Variants in SPA17 observed in about 807,000 individuals in gnomAD.
The protein encoded by SPA17 is sperm surface protein Sp17.
SPA17 carries 7 observed loss-of-function variants against 13.8 expected under a neutral mutation model. The ratio of observed to expected loss-of-function variants is 0.51; its 90% CI spans 0.29 to 0.95. The LOEUF (loss-of-function observed/expected upper bound fraction) is 0.95. SPA17 is among the 40% of genes least tolerant of loss of function. The probability of loss-of-function intolerance (pLI) is 0.08; values close to 1 mark genes in which losing one functional copy is unlikely to be tolerated. For missense variants in SPA17, 170 were observed against 179.3 expected (o/e 0.95, Z 0.30); for synonymous variants, 61 against 59.0 (o/e 1.03, Z -0.16).
intron 4 of SPA17, among the ~76,000 whole-genome samples, chr11:124,693,196 G>T (rs1943639746): frequency 6.6e-6 from 1 of 152,074 alleles, no homozygotes; most frequent in Non-Finnish European, 1.5e-5. Context: ...TCATCTCGAA[G>T]AATTTTATAC....
chr11:124,691,618 A>G (rs1045899042), intron 3 of SPA17, 78 bp from the exon 4 acceptor site: 2 of 752,878 alleles, frequency 2.7e-6, no homozygotes, highest in African/African-American at 3.6e-5. Context: ...GTAATGTTTC[A>G]TTACTTCTAA....
chr11:124,675,688 G>A, intron 2 of SPA17: 1 of 280,458 alleles, frequency 3.6e-6, no homozygotes. Flanking sequence ...CTGCAAAAGA[G>A]CATACATTTC....
At position 124,697,036 on chromosome 11, in the gene SPA17, A is replaced by G. The variant is rs1297444216; in HGVS notation, c.*2590A>G. On this transcript the variant is annotated 3_prime_UTR_variant, in exon 5 of 5. Coordinates refer to ENST00000227135, the MANE Select transcript of SPA17 (RefSeq NM_017425.4). ...TCACTTTCTTTCACACCCCATATAC[A>G]ATCTATCAGCAAAACCTGTGGGCTG... 6.6e-6 allele frequency: 1 copy of G among 152,138 alleles called. No individual in the cohort carries two copies. Among genetic ancestry groups the G allele is most frequent in the Non-Finnish European group, 1.5e-5 (1 of 68,038 alleles). 9.4% of individuals were successfully genotyped at this position (152,138 alleles called of 1,614,324 possible).
chr11:124,683,992 G>A (rs1247456332), intron 3 of SPA17, among the ~76,000 whole-genome samples: 1 of 152,158 alleles, frequency 6.6e-6, no homozygotes, highest in Non-Finnish European at 1.5e-5. Context: ...ATCTTGAATT[G>A]TAGTTCCCAT....
Position 124,696,752 on chromosome 11 carries a change from C to A in SPA17, c.*2306C>A, listed in dbSNP as rs1943677364. The A allele has an allele frequency of 6.6e-6, 1 of 152,174 alleles. No homozygotes were observed. Among genetic ancestry groups the A allele is most frequent in the Admixed American group, 6.5e-5 (1 of 15,276 alleles). 9.4% of individuals were successfully genotyped at this position (152,174 alleles called of 1,614,324 possible). A position where few individuals can be genotyped will look rare whatever the true frequency, so the allele number is the denominator to read the frequency against. On this transcript the variant is annotated 3_prime_UTR_variant, in exon 5 of 5. Coordinates refer to ENST00000227135, the MANE Select transcript of SPA17 (RefSeq NM_017425.4). Reference sequence around the variant, plus strand: ...ACACTCACTTGATTTCCTGCAGTTTCATAGCTTTAAAATCCAATCTTCTTA... The same window carrying A: ...ACACTCACTTGATTTCCTGCAGTTTAATAGCTTTAAAATCCAATCTTCTTA...
intron 4 of SPA17, among the ~76,000 whole-genome samples, chr11:124,692,707 G>A (rs1324174112): frequency 1.3e-5 from 2 of 152,188 alleles, no homozygotes; most frequent in Non-Finnish European, 2.9e-5. Flanking sequence ...GCAAATCAGG[G>A]CTTTGTTTCT....
chr11:124,680,338 A>T (rs1171538044), intron 2 of SPA17, among the ~76,000 whole-genome samples: 1 of 152,224 alleles, frequency 6.6e-6, no homozygotes, highest in Non-Finnish European at 1.5e-5. Context: ...ACAGCTAGCT[A>T]CCAGTTTACA....
intron 4 of SPA17, among the ~76,000 whole-genome samples, chr11:124,692,587 GA>G (rs377555848): frequency 3.3e-5 from 5 of 150,022 alleles, no homozygotes; most frequent in Non-Finnish European, 5.9e-5. Flanking sequence ...CTCAAAAAAA[GA>G]AAAAAAAAGA....
chr11:124,691,444 C>T (rs1268341643), intron 3 of SPA17, among the ~76,000 whole-genome samples: 3 of 152,110 alleles, frequency 2.0e-5, no homozygotes, highest in Non-Finnish European at 4.4e-5. Context: ...TACACACATT[C>T]CAAAAGCAAC....
At chr11:124,674,216 ACCC>A (rs1259473042) in intron 1 of SPA17, 2 of 151,670 alleles carry the variant, frequency 1.3e-5, no homozygotes, top group Non-Finnish European at 2.9e-5. Flanking sequence ...ATGGTTCGAT[ACCC>A]CCATCTACTG....
chr11:124,678,849 G>A (rs1943499467), intron 2 of SPA17, among the ~76,000 whole-genome samples: 1 of 152,098 alleles, frequency 6.6e-6, no homozygotes, highest in South Asian at 2.1e-4. Context: ...TTACAAGAAT[G>A]AGGCACCATG....
intron 3 of SPA17, among the ~76,000 whole-genome samples, chr11:124,687,090 G>T (rs1943584584): frequency 6.6e-6 from 1 of 152,022 alleles, no homozygotes; most frequent in Admixed American, 6.6e-5. Context: ...AATCAGAAAT[G>T]AAAAAGAAGA....
chr11:124,680,027 C>A (rs2134409787), intron 2 of SPA17, among the ~76,000 whole-genome samples: 1 of 152,252 alleles, frequency 6.6e-6, no homozygotes. Flanking sequence ...AAGGAAAGAA[C>A]TAAACCTTTA....
intron 4 of SPA17, among the ~76,000 whole-genome samples, chr11:124,692,056 C>T (rs1434157227): frequency 1.3e-5 from 2 of 152,124 alleles, no homozygotes; most frequent in African/African-American, 2.4e-5. Flanking sequence ...GCAGACAGAA[C>T]TCACAGACCC....
intron 3 of SPA17, among the ~76,000 whole-genome samples, chr11:124,684,365 G>T (rs986967175): frequency 2.0e-5 from 3 of 152,022 alleles, no homozygotes; most frequent in African/African-American, 7.2e-5. Context: ...GGGTTCAAGT[G>T]ATTCTCCTGC....
intron 2 of SPA17, 93 bp downstream of exon 2, chr11:124,675,511 A>G: frequency 7.1e-7 from 1 of 1,404,386 alleles, no homozygotes; most frequent in Non-Finnish European, 9.6e-7. Context: ...TTCTGCAGAA[A>G]GCCTTTTATG....
At chr11:124,689,555 G>A (rs1026602678) in intron 3 of SPA17, among the ~76,000 whole-genome samples, 2 of 152,196 alleles carry the variant, frequency 1.3e-5, no homozygotes, top group African/African-American at 2.4e-5. Flanking sequence ...GGGAGGCAAG[G>A]CAGGAAGATT....
At position 124,696,937 on chromosome 11, in the gene SPA17, T is replaced by C. The variant is rs1943678971; in HGVS notation, c.*2491T>C. The C allele has an allele frequency of 6.6e-6, 1 of 151,950 alleles. No individual in the cohort carries two copies. Among genetic ancestry groups the C allele is most frequent in the East Asian group, 1.9e-4 (1 of 5,170 alleles). The allele number at this position is 151,950 out of a possible 1,614,324, so 9.4% of individuals were successfully genotyped here. On this transcript the variant is annotated 3_prime_UTR_variant, in exon 5 of 5. Coordinates refer to ENST00000227135, the MANE Select transcript of SPA17 (RefSeq NM_017425.4). ...ATCTGAAACTTCCCCCACACCCAAGTTTTTCCATTCAAAAATGGCTGCTCC... is the reference window on the plus strand; with the variant it reads ...ATCTGAAACTTCCCCCACACCCAAGCTTTTCCATTCAAAAATGGCTGCTCC...
intron 2 of SPA17, among the ~76,000 whole-genome samples, chr11:124,676,532 C>G (rs746634089): frequency 6.6e-6 from 1 of 152,254 alleles, no homozygotes; most frequent in Non-Finnish European, 1.5e-5. Flanking sequence ...AGCTCCACCC[C>G]TTGCTTTTTT....
Sources: gnomAD v4.1 joint callset for allele counts (sites outside exome capture counted in the v4.1 genomes callset) on GRCh38, gnomAD v4.1.1 for gene constraint, MANE v1.5 for transcripts, NCBI Gene and HGNC (gene_info 2026-07-23, HGNC 2026-07-21) for gene names.